Variants in ABCA1 observed in about 807,000 individuals in gnomAD.
ABCA1 encodes the protein ATP binding cassette subfamily A member 1.
A neutral mutation model predicts 262.5 loss-of-function variants in ABCA1; 133 were observed. The observed-to-expected ratio is 0.51, with a 90% CI of 0.44 to 0.59. The LOEUF (loss-of-function observed/expected upper bound fraction) is 0.59, where lower values mean the gene tolerates loss of function less well. ABCA1 is among the 20% of genes least tolerant of loss of function. The probability of loss-of-function intolerance (pLI) is 0.00; values close to 1 mark genes in which losing one functional copy is unlikely to be tolerated. For synonymous variants in ABCA1, 1,022 were observed against 1,043.5 expected, an observed-to-expected ratio of 0.98 and a Z score of 0.40; for missense variants, 2,452 against 2,777.5, an observed-to-expected ratio of 0.88 and a Z score of 2.63.
intron 1 of ABCA1, among the ~76,000 whole-genome samples, chr9:104,907,177 G>T (rs1841204922): frequency 6.6e-6 from 1 of 152,178 alleles, no homozygotes; most frequent in African/African-American, 2.4e-5. Context: ...AGAATATGCT[G>T]CACGCTCTCC....
intron 7 of ABCA1, among the ~76,000 whole-genome samples, chr9:104,853,763 G>A (rs1489765692): frequency 6.6e-6 from 1 of 152,044 alleles, no homozygotes; most frequent in African/African-American, 2.4e-5. Flanking sequence ...TTCCAAATAT[G>A]GGCAAGAAAA....
chr9:104,808,867 C>T (rs2118922641), intron 30 of ABCA1, among the ~76,000 whole-genome samples: 1 of 152,310 alleles, frequency 6.6e-6, no homozygotes, highest in Non-Finnish European at 1.5e-5. Context: ...AGATCCTCAC[C>T]TCTCCACCAT....
In ABCA1 at chr9:104,784,293, C is replaced by T. The variant is rs370983511; in HGVS notation, c.*22G>A. The T allele has an allele frequency of 2.0e-5, 32 of 1,613,844 alleles. No homozygotes were observed. The highest frequency in any genetic ancestry group is 2.5e-5 in the Non-Finnish European group (30 of 1,179,962). ...AGTCTAGTTCCTCTTTACTTTCAGCCACCCCGTATGAACAGGATTCTTCAT... is the reference window on the plus strand; with the variant it reads ...AGTCTAGTTCCTCTTTACTTTCAGCTACCCCGTATGAACAGGATTCTTCAT... On this transcript the variant is annotated 3_prime_UTR_variant, in exon 50 of 50. Coordinates refer to ENST00000374736, the MANE Select transcript of ABCA1 (RefSeq NM_005502.4).
At chr9:104,882,028 T>TAAACAACAAAAAAAAAAAAAAAAAAA (rs1838702899) in intron 5 of ABCA1, among the ~76,000 whole-genome samples, 1 of 73,748 alleles carries the variant, frequency 1.4e-5, no homozygotes, top group Non-Finnish European at 2.6e-5. Flanking sequence ...TCTGTAGCCT[T>TAAACAACAAAAAAAAAAAAAAAAAAA]AAAAAAAAAA....
At chr9:104,904,684 A>G (rs1020492766) in intron 1 of ABCA1, among the ~76,000 whole-genome samples, 1 of 152,152 alleles carries the variant, frequency 6.6e-6, no homozygotes, top group Admixed American at 6.5e-5. Flanking sequence ...GCTCTCAGGT[A>G]ATGAGGACAA....
chr9:104,839,576 T>C (rs1564162410), intron 9 of ABCA1, among the ~76,000 whole-genome samples: 1 of 152,222 alleles, frequency 6.6e-6, no homozygotes, highest in Non-Finnish European at 1.5e-5. Flanking sequence ...TATGTTATTA[T>C]AAAGCTTATC....
chr9:104,814,606 A>C, intron 25 of ABCA1, 131 bp from the exon 26 acceptor site: 1 of 939,818 alleles, frequency 1.1e-6, no homozygotes, highest in Non-Finnish European at 1.7e-6. Context: ...CACATTTCTT[A>C]ATAACACTTT....
chr9:104,873,134 T>A (rs975207842), intron 5 of ABCA1, among the ~76,000 whole-genome samples: 6 of 152,122 alleles, frequency 3.9e-5, no homozygotes, highest in African/African-American at 1.2e-4. Flanking sequence ...AAATATAAAA[T>A]TCTAAGGCCT....
At chr9:104,807,028 A>T (rs58583337) in intron 30 of ABCA1, among the ~76,000 whole-genome samples, 1,792 of 152,354 alleles carry the variant, frequency 0.012, 44 homozygotes, top group African/African-American at 0.041. Flanking sequence ...GTGCAGGTAC[A>T]AAGGCCCTAG....
chr9:104,905,883 T>C (rs1841092154), intron 1 of ABCA1, among the ~76,000 whole-genome samples: 1 of 152,216 alleles, frequency 6.6e-6, no homozygotes, highest in South Asian at 2.1e-4. Context: ...AGCCCAGGCA[T>C]GAATTAGCCC....
intron 5 of ABCA1, among the ~76,000 whole-genome samples, chr9:104,865,468 A>T (rs1837007553): frequency 6.7e-6 from 1 of 149,142 alleles, no homozygotes; most frequent in African/African-American, 2.5e-5. Flanking sequence ...CTGAGCAGAG[A>T]TGGCACCATT....
chr9:104,917,482 C>T (rs528729202), intron 1 of ABCA1, among the ~76,000 whole-genome samples: 14 of 152,218 alleles, frequency 9.2e-5, no homozygotes, highest in Non-Finnish European at 1.5e-4. Context: ...CGGCCGGGTG[C>T]GGCGGCTCAC....
intron 46 of ABCA1, 56 bp downstream of exon 46, chr9:104,787,864 A>C (rs1829060406): frequency 4.3e-6 from 7 of 1,613,862 alleles, no homozygotes; most frequent in Non-Finnish European, 5.1e-6. Flanking sequence ...ACTTTTGAAC[A>C]GTCATGTTTT....
intron 34 of ABCA1, among the ~76,000 whole-genome samples, chr9:104,801,804 A>G (rs1025481037): frequency 1.3e-5 from 2 of 152,192 alleles, no homozygotes; most frequent in Admixed American, 6.5e-5. Flanking sequence ...TCGGCCTCCC[A>G]AAGTGCTAGG....
chr9:104,824,348 T>C (rs890850183), intron 18 of ABCA1, 117 bp downstream of exon 18: 6 of 1,548,878 alleles, frequency 3.9e-6, no homozygotes, highest in South Asian at 3.5e-5. Flanking sequence ...GTGATTTCTC[T>C]GCCCCTGGAG....
intron 5 of ABCA1, among the ~76,000 whole-genome samples, chr9:104,862,079 C>T (rs866885274): frequency 2.4e-5 from 3 of 123,412 alleles, no homozygotes; most frequent in African/African-American, 9.1e-5. Context: ...CACACACATA[C>T]ACACACACAC....
intron 2 of ABCA1, among the ~76,000 whole-genome samples, chr9:104,891,186 T>C (rs1180958613): frequency 1.3e-5 from 2 of 152,318 alleles, no homozygotes; most frequent in African/African-American, 2.4e-5. Flanking sequence ...ATTTATTTAT[T>C]TGTTGTTTTA....
intron 14 of ABCA1, among the ~76,000 whole-genome samples, chr9:104,830,547 G>A (rs796943193): frequency 5.3e-5 from 8 of 151,980 alleles, no homozygotes; most frequent in African/African-American, 1.2e-4. Flanking sequence ...AAAGTCAGCC[G>A]GGCGTGGCAG....
At chr9:104,819,880 C>T (rs1488836300) in intron 21 of ABCA1, 47 bp downstream of exon 21, 15 of 1,609,068 alleles carry the variant, frequency 9.3e-6, no homozygotes, top group Non-Finnish European at 1.2e-5. Flanking sequence ...ATGTGTGTAG[C>T]CGGAGGAGGA....
Sources: gnomAD v4.1 joint callset for allele counts (sites outside exome capture counted in the v4.1 genomes callset) on GRCh38, gnomAD v4.1.1 for gene constraint, MANE v1.5 for transcripts, NCBI Gene and HGNC (gene_info 2026-07-23, HGNC 2026-07-21) for gene names.